Variants in PUS7 observed in about 807,000 individuals in gnomAD.
The protein encoded by PUS7 is pseudouridine synthase 7, also known as pseudouridylate synthase 7 homolog.
PUS7 carries 48 observed loss-of-function variants against 79.8 expected under a neutral mutation model. The observed-to-expected ratio is 0.60, with a 90% CI of 0.48 to 0.76. PUS7 has a LOEUF of 0.76. PUS7 is among the 30% of genes least tolerant of loss of function. The pLI, the probability that PUS7 is intolerant of heterozygous loss-of-function variation, is 0.00. For synonymous variants in PUS7, 286 were observed against 272.2 expected (o/e 1.05, Z -0.50); for missense variants, 729 against 797.6 (o/e 0.91, Z 1.04).
intron 9 of PUS7, among the ~76,000 whole-genome samples, chr7:105,477,329 C>T (rs574966029): frequency 1.4e-4 from 21 of 152,158 alleles, no homozygotes; most frequent in African/African-American, 5.1e-4. Context: ...GTCACTTCAA[C>T]CTCTGCCTCC....
At chr7:105,512,640 T>C (rs796272044) in intron 1 of PUS7, among the ~76,000 whole-genome samples, 10 of 152,132 alleles carry the variant, frequency 6.6e-5, no homozygotes, top group African/African-American at 1.9e-4. Context: ...GGGTTAGACA[T>C]ACAAGGAGAG....
chr7:105,465,526 T>C, intron 12 of PUS7, 112 bp from the exon 13 acceptor site: 2 of 786,712 alleles, frequency 2.5e-6, no homozygotes, highest in Non-Finnish European at 4.0e-6. Context: ...TTGGTACAGG[T>C]TCAGTGACTT....
intron 13 of PUS7, among the ~76,000 whole-genome samples, chr7:105,463,865 T>C (rs879860358): frequency 5.3e-5 from 8 of 152,248 alleles, no homozygotes; most frequent in Non-Finnish European, 1.0e-4. Context: ...CTTAAATATG[T>C]ATTTTTCATA....
chr7:105,508,871 T>TAAAA (rs34249093), intron 1 of PUS7, among the ~76,000 whole-genome samples: 7 of 22,926 alleles, frequency 3.1e-4, no homozygotes, highest in South Asian at 9.5e-3. Flanking sequence ...GACATTGTCT[T>TAAAA]AAAAAAAAAA....
At chr7:105,502,276 C>A (rs1825283534) in intron 5 of PUS7, 144 bp downstream of exon 5, 1 of 1,042,624 alleles carries the variant, frequency 9.6e-7, no homozygotes, top group Non-Finnish European at 1.4e-6. Flanking sequence ...ACAATACTCA[C>A]CCTCTCTGAA....
chr7:105,487,198 C>T (rs912387065), intron 7 of PUS7, among the ~76,000 whole-genome samples: 5 of 152,130 alleles, frequency 3.3e-5, no homozygotes, highest in Admixed American at 2.6e-4. Context: ...ACTTCAAGAA[C>T]GTTTCCATCA....
intron 14 of PUS7, among the ~76,000 whole-genome samples, chr7:105,461,351 C>G (rs993837800): frequency 6.6e-6 from 1 of 152,156 alleles, no homozygotes; most frequent in African/African-American, 2.4e-5. Flanking sequence ...AATGAACTCA[C>G]TTCCCATAAC....
At position 105,489,147 on chromosome 7, in the gene PUS7, C is replaced by CAAA. The variant is rs762504334; in HGVS notation, c.920+2390_920+2392dup. Reference sequence around the variant, plus strand: ...TGGGCAACAGAGCGAAACTCCATCTCAAAAAAAAAAAAAAAAAAAAAGAAA... The same window carrying CAAA: ...TGGGCAACAGAGCGAAACTCCATCTCAAAAAAAAAAAAAAAAAAAAAAAAGAAA... On this transcript the variant is annotated intron_variant, in intron 7 of 15. Transcript: ENST00000469408. 9.2e-3 allele frequency among the ~76,000 whole-genome samples: 310 copies of CAAA among 33,540 alleles called. 4 individuals carry two copies. Among genetic ancestry groups the CAAA allele is most frequent in the East Asian group, 0.054 (63 of 1,166 alleles). The allele number at this position is 33,540 out of a possible 152,430, so 22.0% of individuals were successfully genotyped here.
intron 9 of PUS7, 97 bp downstream of exon 9, chr7:105,480,955 C>A: frequency 7.3e-7 from 1 of 1,373,354 alleles, no homozygotes; most frequent in African/African-American, 1.5e-5. Context: ...TTGCCCCAGA[C>A]ATGGGAGAAC....
intron 11 of PUS7, 154 bp downstream of exon 11, chr7:105,470,534 G>T: frequency 1.2e-6 from 1 of 823,348 alleles, no homozygotes; most frequent in Non-Finnish European, 1.8e-6. Flanking sequence ...CTCAGGGTCT[G>T]AACAAAGACT....
At chr7:105,520,212 C>A (rs1826051403) in intron 1 of PUS7, among the ~76,000 whole-genome samples, 1 of 152,212 alleles carries the variant, frequency 6.6e-6, no homozygotes, top group South Asian at 2.1e-4. Flanking sequence ...GTAATCCCAG[C>A]ACTTTGGGAG....
chr7:105,481,668 T>G (rs1252224854), intron 8 of PUS7, among the ~76,000 whole-genome samples: 1 of 152,142 alleles, frequency 6.6e-6, no homozygotes, highest in Non-Finnish European at 1.5e-5. Context: ...GTAACCACTA[T>G]TTTACTTTCT....
chr7:105,461,588 TAAC>T (rs1457877818), intron 14 of PUS7, among the ~76,000 whole-genome samples: 2 of 152,142 alleles, frequency 1.3e-5, no homozygotes, highest in Non-Finnish European at 2.9e-5. Flanking sequence ...ATAGTAGTAA[TAAC>T]AATAATAACT....
intron 1 of PUS7, among the ~76,000 whole-genome samples, chr7:105,519,427 A>AG (rs1826020607): frequency 1.3e-5 from 2 of 151,918 alleles, no homozygotes; most frequent in Admixed American, 1.3e-4. Flanking sequence ...TTTAGTAGAG[A>AG]GGGGGTTTCG....
Position 105,487,397 on chromosome 7 carries a change from A to G in PUS7, c.920+4143T>C, listed in dbSNP as rs979418167. 3.3e-5 allele frequency among the ~76,000 whole-genome samples: 5 copies of G among 152,310 alleles called. No individual in the cohort carries two copies. The East Asian group carries it at 9.6e-4, about 29-fold the overall frequency. On this transcript the variant is annotated intron_variant, in intron 7 of 15. Transcript: ENST00000469408. ...AGTGGAATGTTTTTAAGGTTTATCC[A>G]TGTTTTAAGTATATATCAGTATTTT...
chr7:105,470,480 G>C (rs1045687896), intron 11 of PUS7: 2 of 415,970 alleles, frequency 4.8e-6, no homozygotes, highest in African/African-American at 4.1e-5. Flanking sequence ...CGCTTTTCTT[G>C]TGCCCTCAAT....
chr7:105,488,790 A>C, intron 7 of PUS7, among the ~76,000 whole-genome samples: 1 of 152,222 alleles, frequency 6.6e-6, no homozygotes, highest in East Asian at 1.9e-4. Context: ...GTTGTGAATA[A>C]GGTGATCTCG....
rs1259006561 is a variant in PUS7 at position 105,502,623 on chromosome 7, A to G, written c.586-59T>C. 2.6e-6 allele frequency: 4 copies of G among 1,559,284 alleles called. No individual in the cohort carries two copies. In the East Asian group the frequency reaches 9.0e-5, roughly 35 times the overall value. On this transcript the variant is annotated intron_variant, in intron 4 of 15. Transcript: ENST00000469408. The stretch of plus-strand genomic sequence containing the variant: ...TTAACAAACATTAAATAGGGAAGTA[A>G]TACAGTGAATTAGTAAAAACACTGC...
At chr7:105,493,591 G>T (rs1019034798) in intron 6 of PUS7, among the ~76,000 whole-genome samples, 1 of 152,208 alleles carries the variant, frequency 6.6e-6, no homozygotes, top group Non-Finnish European at 1.5e-5. Flanking sequence ...GAATGTGACT[G>T]TATTTGGAGA....
Sources: gnomAD v4.1 joint callset for allele counts (sites outside exome capture counted in the v4.1 genomes callset) on GRCh38, gnomAD v4.1.1 for gene constraint, MANE v1.5 for transcripts, NCBI Gene and HGNC (gene_info 2026-07-23, HGNC 2026-07-21) for gene names.